MLLT3: variants seen among roughly 807,000 people sequenced by gnomAD.
MLLT3 encodes MLLT3 super elongation complex subunit, also known as protein AF-9.
MLLT3 carries 4 observed loss-of-function variants against 53.2 expected under a neutral mutation model. The observed-to-expected ratio is 0.08, with a 90% CI of 0.04 to 0.17. The LOEUF (loss-of-function observed/expected upper bound fraction) is 0.17. Ranked by LOEUF, MLLT3 falls within the 10% of genes least tolerant of loss-of-function variation. The pLI is 1.00. For synonymous variants in MLLT3, 283 were observed against 230.6 expected (o/e 1.23, Z -2.06); for missense variants, 569 against 684.0 (o/e 0.83, Z 1.87).
intron 5 of MLLT3, among the ~76,000 whole-genome samples, chr9:20,385,156 A>C (rs968684855): frequency 6.6e-6 from 1 of 152,298 alleles, no homozygotes; most frequent in Non-Finnish European, 1.5e-5. Flanking sequence ...GGGGTCTACA[A>C]TACTTTTTCC....
intron 2 of MLLT3, among the ~76,000 whole-genome samples, chr9:20,601,054 C>T (rs1255884457): frequency 1.3e-5 from 2 of 152,132 alleles, no homozygotes; most frequent in South Asian, 4.1e-4. Context: ...TGCACCGTTG[C>T]CCCCAGACTC....
intron 4 of MLLT3, among the ~76,000 whole-genome samples, chr9:20,423,479 G>A (rs1823067046): frequency 1.3e-5 from 2 of 151,988 alleles, no homozygotes; most frequent in African/African-American, 2.4e-5. Flanking sequence ...CATATCCAAG[G>A]GTTCTGTATC....
chr9:20,454,787 G>C (rs1823919726), intron 3 of MLLT3, among the ~76,000 whole-genome samples: 1 of 152,146 alleles, frequency 6.6e-6, no homozygotes, highest in South Asian at 2.1e-4. Context: ...GGGAGATAGA[G>C]ACAGGCTCTA....
At chr9:20,384,257 A>G (rs1056376193) in intron 5 of MLLT3, among the ~76,000 whole-genome samples, 3 of 152,060 alleles carry the variant, frequency 2.0e-5, no homozygotes, top group Non-Finnish European at 4.4e-5. Flanking sequence ...ATAAAATATT[A>G]CAAAGGAATA....
At chr9:20,585,292 T>C (rs1819923422) in intron 2 of MLLT3, among the ~76,000 whole-genome samples, 1 of 152,136 alleles carries the variant, frequency 6.6e-6, no homozygotes, top group Admixed American at 6.5e-5. Flanking sequence ...ACTGTACATA[T>C]TTATGGTACA....
intron 2 of MLLT3, among the ~76,000 whole-genome samples, chr9:20,461,564 C>CTTA (rs1484185466): frequency 6.6e-6 from 1 of 151,552 alleles, no homozygotes; most frequent in African/African-American, 2.4e-5. Context: ...TATATTTGTG[C>CTTA]TTATATAATA....
chr9:20,394,383 T>A (rs1822266728), intron 5 of MLLT3, among the ~76,000 whole-genome samples: 1 of 152,164 alleles, frequency 6.6e-6, no homozygotes. Context: ...CCAGCTATGA[T>A]TCTTCCTACC....
At chr9:20,514,507 TA>T (rs1261455128) in intron 2 of MLLT3, among the ~76,000 whole-genome samples, 2 of 151,528 alleles carry the variant, frequency 1.3e-5, no homozygotes, top group Admixed American at 6.6e-5. Flanking sequence ...GGGTTTTTAT[TA>T]TTTTTTTATT....
At chr9:20,488,519 CCT>C (rs1489155399) in intron 2 of MLLT3, among the ~76,000 whole-genome samples, 1 of 151,966 alleles carries the variant, frequency 6.6e-6, no homozygotes, top group African/African-American at 2.4e-5. Context: ...GAATCATTTC[CCT>C]GATTACAGAC....
At chr9:20,530,297 A>G (rs971145903) in intron 2 of MLLT3, among the ~76,000 whole-genome samples, 1 of 152,218 alleles carries the variant, frequency 6.6e-6, no homozygotes, top group African/African-American at 2.4e-5. Context: ...TGGATAAAAA[A>G]TTACCAAGAC....
At chr9:20,547,975 G>T (rs1035279181) in intron 2 of MLLT3, among the ~76,000 whole-genome samples, 2 of 151,930 alleles carry the variant, frequency 1.3e-5, no homozygotes, top group Non-Finnish European at 2.9e-5. Flanking sequence ...AATAAAAGTT[G>T]GTACATATTT....
intron 2 of MLLT3, among the ~76,000 whole-genome samples, chr9:20,613,946 C>T (rs2780842): frequency 0.81 from 123,557 of 152,116 alleles, 50,399 homozygotes; most frequent in Middle Eastern, 0.86. Flanking sequence ...AAGATGTCCA[C>T]CACAGCACTA....
chr9:20,401,129 T>C (rs1422385786), intron 5 of MLLT3, among the ~76,000 whole-genome samples: 2 of 152,128 alleles, frequency 1.3e-5, no homozygotes, highest in African/African-American at 4.8e-5. Flanking sequence ...AAATAAGATC[T>C]GAGGGAAAAG....
intron 5 of MLLT3, among the ~76,000 whole-genome samples, chr9:20,413,479 A>G (rs1342320009): frequency 6.6e-6 from 1 of 152,204 alleles, no homozygotes; most frequent in Non-Finnish European, 1.5e-5. Context: ...GACCCATTAT[A>G]ATGCTATGGA....
At chr9:20,427,224 T>C (rs560568825) in intron 4 of MLLT3, among the ~76,000 whole-genome samples, 5 of 150,108 alleles carry the variant, frequency 3.3e-5, no homozygotes, top group Non-Finnish European at 4.4e-5. Flanking sequence ...GGAAAAACAC[T>C]GGAATCCAAA....
At chr9:20,584,538 G>C (rs767331720) in intron 2 of MLLT3, among the ~76,000 whole-genome samples, 2 of 152,158 alleles carry the variant, frequency 1.3e-5, no homozygotes, top group Non-Finnish European at 1.5e-5. Flanking sequence ...AGTTCCACGT[G>C]GCTGGGAGGC....
intron 4 of MLLT3, among the ~76,000 whole-genome samples, chr9:20,437,941 T>A (rs1243973067): frequency 6.6e-6 from 1 of 152,246 alleles, no homozygotes; most frequent in Non-Finnish European, 1.5e-5. Flanking sequence ...AAGGATTAGC[T>A]TGGTCTCATA....
intron 2 of MLLT3, among the ~76,000 whole-genome samples, chr9:20,526,704 G>A (rs538774701): frequency 6.6e-6 from 1 of 152,120 alleles, no homozygotes; most frequent in East Asian, 1.9e-4. Context: ...CTAGATCCTT[G>A]GGTATGTTTA....
intron 4 of MLLT3, among the ~76,000 whole-genome samples, chr9:20,426,164 A>C (rs1261809238): frequency 6.6e-6 from 1 of 152,058 alleles, no homozygotes; most frequent in Non-Finnish European, 1.5e-5. Context: ...AGTACTACTG[A>C]CTGTAAGTTA....
Sources: gnomAD v4.1 joint callset for allele counts (sites outside exome capture counted in the v4.1 genomes callset) on GRCh38, gnomAD v4.1.1 for gene constraint, MANE v1.5 for transcripts, NCBI Gene and HGNC (gene_info 2026-07-23, HGNC 2026-07-21) for gene names.